LIFR: variants seen among roughly 807,000 people sequenced by gnomAD.
The protein encoded by LIFR is LIF receptor subunit alpha, also known as leukemia inhibitory factor receptor.
LIFR carries 84 observed loss-of-function variants against 122.2 expected under a neutral mutation model. That is an observed-to-expected ratio of 0.69 (90% CI 0.58 to 0.82). The LOEUF (loss-of-function observed/expected upper bound fraction) is 0.82, where lower values mean the gene tolerates loss of function less well. Ranked by LOEUF, LIFR falls within the 40% of genes least tolerant of loss-of-function variation. The probability of loss-of-function intolerance (pLI) is 0.00; values close to 1 mark genes in which losing one functional copy is unlikely to be tolerated. For synonymous variants in LIFR, 422 were observed against 434.7 expected, an observed-to-expected ratio of 0.97 and a Z score of 0.36; for missense variants, 1,294 against 1,311.6, an observed-to-expected ratio of 0.99 and a Z score of 0.21.
chr5:38,497,202 G>C (rs888400692), intron 12 of LIFR, among the ~76,000 whole-genome samples: 3 of 152,182 alleles, frequency 2.0e-5, no homozygotes, highest in African/African-American at 7.2e-5. Context: ...AGAATCACTT[G>C]AACCTGGCAG....
At chr5:38,508,920 T>G (rs73077477) in intron 7 of LIFR, among the ~76,000 whole-genome samples, 2,072 of 152,230 alleles carry the variant, frequency 0.014, 49 homozygotes, top group African/African-American at 0.047. Flanking sequence ...AATGGTGGCT[T>G]AACAGGATAT....
At chr5:38,568,805 T>C (rs894023282) in intron 1 of LIFR, among the ~76,000 whole-genome samples, 1 of 152,068 alleles carries the variant, frequency 6.6e-6, no homozygotes, top group Non-Finnish European at 1.5e-5. Context: ...AGGACAGAGA[T>C]TAGTGTGGGA....
chr5:38,544,005 T>C (rs981335092), intron 1 of LIFR, among the ~76,000 whole-genome samples: 5 of 152,090 alleles, frequency 3.3e-5, no homozygotes, highest in Non-Finnish European at 5.9e-5. Flanking sequence ...CAAAAAAACC[T>C]AGCAGTCACC....
intron 1 of LIFR, among the ~76,000 whole-genome samples, chr5:38,552,541 T>C (rs1240316126): frequency 6.6e-6 from 1 of 152,154 alleles, no homozygotes; most frequent in African/African-American, 2.4e-5. Context: ...AAAGGCATCT[T>C]TGAACTCTTA....
Position 38,476,491 on chromosome 5 carries a change from T to C in LIFR, c.*5104A>G, listed in dbSNP as rs1485429746. ...TCACGTGTGCAAAGTATTTTAGTCT[T>C]AAGGGCAACACATAGGATCTATGTT... On this transcript the variant is annotated 3_prime_UTR_variant, in exon 20 of 20. Transcript: ENST00000453190. 1 of 208,842 alleles carries C rather than the reference T, an allele frequency of 4.8e-6. No individual in the cohort carries two copies. The highest frequency in any genetic ancestry group is 9.7e-6 in the Non-Finnish European group (1 of 103,122). 12.9% of individuals were successfully genotyped at this position (208,842 alleles called of 1,614,324 possible).
intron 1 of LIFR, among the ~76,000 whole-genome samples, chr5:38,538,724 T>A (rs564127499): frequency 8.2e-4 from 125 of 152,296 alleles, no homozygotes; most frequent in African/African-American, 2.9e-3. Flanking sequence ...CTCTCTGGCA[T>A]ACGTAATTTA....
chr5:38,590,399 G>A lies in LIFR; in HGVS notation c.-20+4862C>T, dbSNP rs73072822. ...ACTTTTCCTTGGACCCTAGAGACCC[G>A]TGTACCATTGTAAACATCATTTGGG... On this transcript the variant is annotated intron_variant, in intron 1 of 19. Coordinates refer to the LIFR transcript ENST00000263409. 4.4e-3 allele frequency among the ~76,000 whole-genome samples: 672 copies of A among 152,224 alleles called. 8 individuals carry two copies. The highest frequency in any genetic ancestry group is 0.015 in the African/African-American group (628 of 41,522).
intron 1 of LIFR, among the ~76,000 whole-genome samples, chr5:38,535,342 G>A (rs1471324168): frequency 6.6e-6 from 1 of 152,180 alleles, no homozygotes; most frequent in Admixed American, 6.5e-5. Context: ...GAGTCCACAG[G>A]TTAGATGCCA....
rs1744436254 is a variant in LIFR at position 38,489,085 on chromosome 5, TA to T, written c.2327del (p.Leu776Ter). ...TGCTATCAATTTACTCACCTGATTC[TA>T]AAACCCTCATCTTAGATGTGTCTCT... ...GERDTSKMRV[L>X]ESGRSDIKVK... On this transcript the variant is annotated frameshift_variant, in exon 16 of 20. Coordinates refer to ENST00000453190, the MANE Select transcript of LIFR (RefSeq NM_001127671.2). LOFTEE classifies it high-confidence loss of function. 4.3e-6 allele frequency: 7 copies of T among 1,612,580 alleles called. No individual in the cohort carries two copies. Among genetic ancestry groups the T allele is most frequent in the Non-Finnish European group, 5.9e-6 (7 of 1,178,822 alleles).
intron 15 of LIFR, 72 bp downstream of exon 15, chr5:38,490,118 A>C: frequency 6.7e-6 from 4 of 598,690 alleles, no homozygotes; most frequent in East Asian, 2.9e-5. Flanking sequence ...GAATTCAATC[A>C]TACCATTGTT....
chr5:38,527,402 T>C, intron 3 of LIFR, 108 bp from the exon 4 acceptor site: 1 of 720,702 alleles, frequency 1.4e-6, no homozygotes, highest in East Asian at 2.7e-5. Flanking sequence ...GCCCTCTTTG[T>C]TGCAAAAACA....
At chr5:38,562,199 G>C (rs1013347828) in intron 1 of LIFR, among the ~76,000 whole-genome samples, 3 of 152,072 alleles carry the variant, frequency 2.0e-5, no homozygotes, top group Non-Finnish European at 2.9e-5. Context: ...TGGAATCTTC[G>C]TTTCAGATTC....
At chr5:38,567,086 G>T (rs933515608) in intron 1 of LIFR, among the ~76,000 whole-genome samples, 4 of 152,206 alleles carry the variant, frequency 2.6e-5, no homozygotes. Context: ...ACTCAAGCCA[G>T]ACCAGCTCCT....
chr5:38,495,566 C>T (rs1445314777), intron 13 of LIFR, among the ~76,000 whole-genome samples: 2 of 152,174 alleles, frequency 1.3e-5, no homozygotes, highest in African/African-American at 4.8e-5. Context: ...CAATAAGAAA[C>T]AGCCTCAAAC....
intron 1 of LIFR, among the ~76,000 whole-genome samples, chr5:38,565,677 T>A (rs954344719): frequency 6.7e-6 from 1 of 149,348 alleles, no homozygotes; most frequent in Non-Finnish European, 1.5e-5. Flanking sequence ...AGCCCCCACC[T>A]CCCGGGTTCA....
chr5:38,596,736 C>T (rs908105704), upstream of LIFR, among the ~76,000 whole-genome samples: 2 of 152,142 alleles, frequency 1.3e-5, no homozygotes, highest in African/African-American at 4.8e-5. Flanking sequence ...ATATGAAAAA[C>T]GATCACACCT....
Position 38,481,823 on chromosome 5 carries a change from TA to T in LIFR, c.3065del (p.Leu1022Ter). On this transcript the variant is annotated frameshift_variant, in exon 20 of 20. Transcript: ENST00000453190. LOFTEE classifies it high-confidence loss of function. ...TVEDIAAEEDLDKTAGYRPQA... is the reference protein window; with the variant it reads ...TVEDIAAEEDXDKTAGYRPQA... ...GAGGTCTGTAACCCGCAGTTTTATC[TA>T]AGTCCTCTTCTGCAGCTATATCTTC... is the stretch of plus-strand genomic sequence containing the variant. 6.2e-7 allele frequency: 1 copy of T among 1,614,174 alleles called. No individual in the cohort carries two copies. Among genetic ancestry groups the T allele is most frequent in the Non-Finnish European group, 8.5e-7 (1 of 1,180,030 alleles).
At chr5:38,579,210 T>C (rs1749496798) in intron 1 of LIFR, 1 of 152,126 alleles carries the variant, frequency 6.6e-6, no homozygotes, top group Non-Finnish European at 1.5e-5. Flanking sequence ...TAGCAAAGGA[T>C]ACAAAGAATA....
chr5:38,502,810 A>G lies in LIFR; in HGVS notation c.1438-11T>C. 1 of 1,431,190 alleles carries G rather than the reference A, an allele frequency of 7.0e-7. No individual in the cohort carries two copies. Among genetic ancestry groups the G allele is most frequent in the Non-Finnish European group, 9.7e-7 (1 of 1,035,194 alleles). The allele number at this position is 1,431,190 out of a possible 1,614,324, so 88.7% of individuals were successfully genotyped here. On this transcript the variant is annotated splice_polypyrimidine_tract_variant and intron_variant, in intron 10 of 19. Coordinates refer to ENST00000453190, the MANE Select transcript of LIFR (RefSeq NM_001127671.2). Reference sequence around the variant, plus strand: ...GATTGTGACATTCCGCTATTGGAAAACAAATAAATATATATATATGTATAT... The same window carrying G: ...GATTGTGACATTCCGCTATTGGAAAGCAAATAAATATATATATATGTATAT...
Sources: allele counts gnomAD v4.1 joint callset (sites outside exome capture counted in the v4.1 genomes callset), GRCh38; gene constraint gnomAD v4.1.1; transcripts MANE v1.5; gene names NCBI Gene and HGNC (gene_info 2026-07-23, HGNC 2026-07-21).